Variants in ST18 observed in about 807,000 individuals in gnomAD.
The protein encoded by ST18 is ST18 C2H2C-type zinc finger transcription factor.
Under a neutral mutation model 110.0 loss-of-function variants are expected in ST18, and 50 were observed. The observed-to-expected ratio is 0.45, with a 90% CI of 0.36 to 0.58. ST18 has a LOEUF of 0.58. Ranked by LOEUF, ST18 falls within the 20% of genes least tolerant of loss-of-function variation. ST18 has a pLI of 0.00. For missense variants in ST18, 1,306 were observed against 1,280.1 expected (o/e 1.02, Z -0.31); for synonymous variants, 461 against 452.4 (o/e 1.02, Z -0.24).
chr8:52,357,731 A>ATATATATATATAT (rs61702309), intron 2 of ST18, among the ~76,000 whole-genome samples: 2 of 116,660 alleles, frequency 1.7e-5, no homozygotes, highest in Non-Finnish European at 3.7e-5. Context: ...ATATATATAT[A>ATATATATATATAT]AAACAGACTC....
intron 2 of ST18, among the ~76,000 whole-genome samples, chr8:52,295,297 T>C (rs2095615086): frequency 6.6e-6 from 1 of 152,220 alleles, no homozygotes. Flanking sequence ...CAGGCTTTAT[T>C]ATTGAACTAA....
At chr8:52,215,373 T>C (rs758455037) in intron 6 of ST18, among the ~76,000 whole-genome samples, 18 of 152,248 alleles carry the variant, frequency 1.2e-4, no homozygotes, top group Non-Finnish European at 2.5e-4. Flanking sequence ...TTGATTACTA[T>C]AGTCTATTGA....
chr8:52,165,886 T>C (rs1399515868), intron 11 of ST18, among the ~76,000 whole-genome samples: 1 of 152,154 alleles, frequency 6.6e-6, no homozygotes, highest in Non-Finnish European at 1.5e-5. Flanking sequence ...GTTCACAAAG[T>C]GGAAGATGTA....
chr8:52,238,781 G>T (rs2093041359), intron 2 of ST18, among the ~76,000 whole-genome samples: 1 of 146,666 alleles, frequency 6.8e-6, no homozygotes, highest in African/African-American at 2.5e-5. Context: ...AATACCACAT[G>T]TTCTCACTAA....
chr8:52,409,550 T>C lies in ST18; in HGVS notation c.-592A>G, dbSNP rs990029148. ...ATGCCAAGCCAATGTGATAGCACCT[T>C]CCACAACTCTGCCAGGCACTGGTTT... On this transcript the variant is annotated splice_region_variant and 5_prime_UTR_variant, in exon 1 of 26. Transcript: ENST00000689386. The C allele has an allele frequency of 7.2e-5, 11 of 152,216 alleles. No homozygotes were observed. Among genetic ancestry groups the C allele is most frequent in the Admixed American group, 5.2e-4 (8 of 15,288 alleles). The allele number at this position is 152,216 out of a possible 1,614,324, so 9.4% of individuals were successfully genotyped here. A position where few individuals can be genotyped will look rare whatever the true frequency, so the allele number is the denominator to read the frequency against.
intron 19 of ST18, among the ~76,000 whole-genome samples, chr8:52,136,064 T>C (rs2131729906): frequency 6.6e-6 from 1 of 152,326 alleles, no homozygotes; most frequent in African/African-American, 2.4e-5. Flanking sequence ...GAGAACTTTG[T>C]ATTAAAAGAA....
intron 15 of ST18, chr8:52,154,620 G>C (rs1247918732): frequency 6.6e-6 from 1 of 152,190 alleles, no homozygotes; most frequent in Non-Finnish European, 1.5e-5. Context: ...CCCGTGGCAA[G>C]ACCAAAGGGG....
At chr8:52,369,436 G>A (rs1165206878) in intron 2 of ST18, among the ~76,000 whole-genome samples, 1 of 152,156 alleles carries the variant, frequency 6.6e-6, no homozygotes, top group East Asian at 1.9e-4. Flanking sequence ...AAGCCATCTG[G>A]TACTGTGTTG....
At chr8:52,158,389 T>C (rs1214805902) in intron 15 of ST18, among the ~76,000 whole-genome samples, 1 of 152,230 alleles carries the variant, frequency 6.6e-6, no homozygotes, top group Non-Finnish European at 1.5e-5. Context: ...CTCTGGAGAA[T>C]ACTGTGGCAA....
intron 2 of ST18, among the ~76,000 whole-genome samples, chr8:52,324,505 A>T (rs1437893859): frequency 6.6e-6 from 1 of 152,140 alleles, no homozygotes; most frequent in Non-Finnish European, 1.5e-5. Flanking sequence ...TATAGCAAAA[A>T]GACAAGGCTC....
At chr8:52,215,431 T>C (rs928841337) in intron 6 of ST18, among the ~76,000 whole-genome samples, 4 of 152,214 alleles carry the variant, frequency 2.6e-5, no homozygotes, top group Non-Finnish European at 5.9e-5. Flanking sequence ...GTTAAACCAA[T>C]ATAGACTATT....
At chr8:52,375,805 C>CT (rs755025630) in intron 2 of ST18, among the ~76,000 whole-genome samples, 38 of 152,130 alleles carry the variant, frequency 2.5e-4, no homozygotes, top group Non-Finnish European at 2.9e-4. Flanking sequence ...AATCAACACA[C>CT]CCGGACTGAG....
chr8:52,126,795 T>C (rs903312468), intron 22 of ST18, among the ~76,000 whole-genome samples: 2 of 152,248 alleles, frequency 1.3e-5, no homozygotes, highest in Non-Finnish European at 2.9e-5. Flanking sequence ...AGGCAGTCTA[T>C]TACATTGCAG....
chr8:52,195,959 T>C (rs998082137), intron 8 of ST18, among the ~76,000 whole-genome samples: 1 of 152,212 alleles, frequency 6.6e-6, no homozygotes, highest in Admixed American at 6.6e-5. Flanking sequence ...ATTCCACTTT[T>C]TGTAAATTCA....
At chr8:52,368,971 C>T (rs765874003) in intron 2 of ST18, among the ~76,000 whole-genome samples, 2 of 152,096 alleles carry the variant, frequency 1.3e-5, no homozygotes, top group Non-Finnish European at 2.9e-5. Context: ...GAAACCATCA[C>T]CTAACCATAC....
chr8:52,313,806 C>T (rs2095969883), intron 2 of ST18, among the ~76,000 whole-genome samples: 1 of 152,188 alleles, frequency 6.6e-6, no homozygotes, highest in Admixed American at 6.5e-5. Context: ...CCTCCCGCAG[C>T]AATGGGAGCT....
At chr8:52,167,819 G>A (rs921575010) in intron 10 of ST18, among the ~76,000 whole-genome samples, 1 of 152,132 alleles carries the variant, frequency 6.6e-6, no homozygotes, top group Non-Finnish European at 1.5e-5. Flanking sequence ...AGCCGGTCAT[G>A]GTAAGGGGCA....
chr8:52,285,892 G>T (rs950989834), intron 2 of ST18, among the ~76,000 whole-genome samples: 5 of 152,172 alleles, frequency 3.3e-5, no homozygotes, highest in African/African-American at 1.2e-4. Flanking sequence ...TTCTCCTGGA[G>T]CCAGCACAGT....
intron 2 of ST18, among the ~76,000 whole-genome samples, chr8:52,333,311 A>G (rs1247632365): frequency 2.6e-5 from 4 of 152,234 alleles, no homozygotes; most frequent in Non-Finnish European, 2.9e-5. Flanking sequence ...AAAAAAAAAA[A>G]AAAGGTTAAA....
Sources: gnomAD v4.1 joint callset for allele counts (sites outside exome capture counted in the v4.1 genomes callset) on GRCh38, gnomAD v4.1.1 for gene constraint, MANE v1.5 for transcripts, NCBI Gene and HGNC (gene_info 2026-07-23, HGNC 2026-07-21) for gene names.